IGDCC4: variants seen among roughly 807,000 people sequenced by gnomAD.
IGDCC4 encodes the protein immunoglobulin superfamily DCC subclass member 4.
In IGDCC4, 72 loss-of-function variants were observed where a neutral mutation model predicts 116.6. The observed-to-expected ratio is 0.62, with a 90% CI of 0.51 to 0.75. IGDCC4 has a LOEUF of 0.75. Among genes scored for constraint, IGDCC4 ranks in the 30% least tolerant of loss-of-function variants. The pLI, the probability that IGDCC4 is intolerant of heterozygous loss-of-function variation, is 0.00. For missense variants in IGDCC4, 1,501 were observed against 1,662.4 expected (o/e 0.90, Z 1.69); for synonymous variants, 709 against 719.9 (o/e 0.98, Z 0.24).
intron 5 of IGDCC4, among the ~76,000 whole-genome samples, chr15:65,399,040 G>C (rs558164241): frequency 6.6e-6 from 1 of 152,226 alleles, no homozygotes; most frequent in African/African-American, 2.4e-5. Flanking sequence ...GATCCTCCGG[G>C]ACAGCAATTC....
intron 16 of IGDCC4, among the ~76,000 whole-genome samples, chr15:65,388,085 A>T (rs145342707): frequency 3.6e-4 from 55 of 152,290 alleles, no homozygotes; most frequent in African/African-American, 1.1e-3. Flanking sequence ...CTCTACTAAA[A>T]ATACAAAAAT....
At chr15:65,395,515 G>A (rs2062914691) in intron 7 of IGDCC4, among the ~76,000 whole-genome samples, 1 of 152,108 alleles carries the variant, frequency 6.6e-6, no homozygotes. Context: ...CTCCAGGAAC[G>A]TCCTCTCCCT....
intron 5 of IGDCC4, among the ~76,000 whole-genome samples, chr15:65,399,679 G>A (rs146837282): frequency 2.6e-4 from 39 of 152,286 alleles, no homozygotes; most frequent in Non-Finnish European, 5.0e-4. Context: ...GTGCAGGTCA[G>A]ATAGGTGCGA....
chr15:65,391,123 A>C (rs1288368068), intron 12 of IGDCC4, among the ~76,000 whole-genome samples: 1 of 152,148 alleles, frequency 6.6e-6, no homozygotes, highest in Non-Finnish European at 1.5e-5. Context: ...CCAGCTGCTC[A>C]AGAGGCCGAG....
intron 2 of IGDCC4, chr15:65,410,799 G>A: frequency 1.8e-6 from 1 of 565,400 alleles, no homozygotes; most frequent in East Asian, 2.9e-5. Context: ...AAGAAAAGCA[G>A]AAGGAACAGG....
rs1486827810 is a variant in IGDCC4 at position 65,384,724 on chromosome 15, A to G, written c.3342+230T>C. 8 of 564,874 alleles carry G rather than the reference A, an allele frequency of 1.4e-5. No homozygotes were observed. Among genetic ancestry groups the G allele is most frequent in the Non-Finnish European group, 2.1e-5 (7 of 335,680 alleles). The allele number at this position is 564,874 out of a possible 1,614,324, so 35.0% of individuals were successfully genotyped here. On this transcript the variant is annotated intron_variant, in intron 19 of 19. Transcript: ENST00000352385. The surrounding 1 kb of genome is among the most constrained non-coding windows in gnomAD (Gnocchi z 4.9). ...CAGATCCACGGAACTGCTGTGGCCCACTTAGGTCTGGGTAGAGGAGGGGCT... is the reference window on the plus strand; with the variant it reads ...CAGATCCACGGAACTGCTGTGGCCCGCTTAGGTCTGGGTAGAGGAGGGGCT...
chr15:65,412,315 C>T (rs929352022), intron 1 of IGDCC4, among the ~76,000 whole-genome samples: 12 of 151,912 alleles, frequency 7.9e-5, no homozygotes, highest in African/African-American at 2.9e-4. Flanking sequence ...AGTTCAAGAC[C>T]AGCCTGACCA....
Position 65,384,518 on chromosome 15 carries a change from G to C in IGDCC4, c.3343-99C>G. On this transcript the variant is annotated intron_variant, in intron 19 of 19. Transcript: ENST00000352385. The surrounding 1 kb of genome is among the most constrained non-coding windows in gnomAD (Gnocchi z 4.9). The stretch of plus-strand genomic sequence containing the variant: ...GGGCAGAAAGTCTGACCCTCCATCA[G>C]AGTAAGTATCACATGGGAGTCGGTG... The C allele has an allele frequency of 8.3e-7, 1 of 1,203,182 alleles. No individual in the cohort carries two copies. Among genetic ancestry groups the C allele is most frequent in the Non-Finnish European group, 1.1e-6 (1 of 878,916 alleles). 74.5% of individuals were successfully genotyped at this position (1,203,182 alleles called of 1,614,324 possible).
chr15:65,413,336 T>C (rs1166543333), intron 1 of IGDCC4, among the ~76,000 whole-genome samples: 1 of 152,052 alleles, frequency 6.6e-6, no homozygotes, highest in Non-Finnish European at 1.5e-5. Context: ...CTGCAGCTAA[T>C]TTCCCCAAGG....
intron 3 of IGDCC4, among the ~76,000 whole-genome samples, chr15:65,409,445 C>T (rs576603952): frequency 6.6e-6 from 1 of 152,186 alleles, no homozygotes; most frequent in East Asian, 1.9e-4. Context: ...TCCAAAGATA[C>T]GTAAGAATCC....
At chr15:65,391,164 A>G (rs777270294) in intron 12 of IGDCC4, among the ~76,000 whole-genome samples, 1 of 152,180 alleles carries the variant, frequency 6.6e-6, no homozygotes, top group Admixed American at 6.5e-5. Flanking sequence ...CAGGAGGCAG[A>G]GGTTGCAGTG....
intron 3 of IGDCC4, among the ~76,000 whole-genome samples, chr15:65,403,714 G>A (rs939416532): frequency 6.6e-6 from 1 of 152,164 alleles, no homozygotes; most frequent in Non-Finnish European, 1.5e-5. Context: ...CCCTTGGAGA[G>A]GACGTGGTCT....
intron 16 of IGDCC4, among the ~76,000 whole-genome samples, chr15:65,387,674 A>AT (rs1223132602): frequency 6.6e-6 from 1 of 152,044 alleles, no homozygotes; most frequent in East Asian, 1.9e-4. Context: ...AATTTTTAAA[A>AT]TAAGGGATAG....
rs141162278 is a variant in IGDCC4, at chr15:65,385,918, C to T, written c.3093G>A (p.Pro1031=). The change falls in exon 18 of 20, where the codon CCG becomes CCA. Residue 1031 remains proline, a synonymous_variant. Coordinates refer to ENST00000352385, the MANE Select transcript of IGDCC4 (RefSeq NM_020962.3). ...CCCTGTCCTCCACGTCTGAGGGTGG[C>T]GGGGACCAGTCCTGGGGATGGGGGT... ...LVHPHPQDWS[P]PPSDVEDRAE... 7 of 1,606,654 alleles carry T rather than the reference C, an allele frequency of 4.4e-6. No individual in the cohort carries two copies. Among genetic ancestry groups the T allele is most frequent in the African/African-American group, 2.7e-5 (2 of 74,228 alleles).
intron 3 of IGDCC4, 133 bp from the exon 4 acceptor site, chr15:65,402,620 G>C: frequency 8.2e-7 from 1 of 1,220,636 alleles, no homozygotes; most frequent in Non-Finnish European, 1.1e-6. Flanking sequence ...TATAATCCCA[G>C]CACTTTGGGA....
Position 65,384,745 on chromosome 15 carries a change from G to C in IGDCC4, c.3342+209C>G. The stretch of plus-strand genomic sequence containing the variant: ...GCCCACTTAGGTCTGGGTAGAGGAG[G>C]GGCTGTTTTCAACCCAGGTTGAAAC... On this transcript the variant is annotated intron_variant, in intron 19 of 19. Transcript: ENST00000352385. This position sits in a 1 kb window ranked among gnomAD's most constrained non-coding sequence, Gnocchi z 4.9. 1 of 624,256 alleles carries C rather than the reference G, an allele frequency of 1.6e-6. No individual in the cohort carries two copies. The highest frequency in any genetic ancestry group is 2.6e-6 in the Non-Finnish European group (1 of 377,838). 38.7% of individuals were successfully genotyped at this position (624,256 alleles called of 1,614,324 possible).
intron 16 of IGDCC4, among the ~76,000 whole-genome samples, chr15:65,386,961 G>A (rs2091466450): frequency 6.6e-6 from 1 of 152,180 alleles, no homozygotes; most frequent in Non-Finnish European, 1.5e-5. Context: ...ATGTGCAGGT[G>A]CGCAGACCCC....
intron 5 of IGDCC4, among the ~76,000 whole-genome samples, chr15:65,398,099 G>C (rs113274733): frequency 7.9e-5 from 12 of 152,272 alleles, no homozygotes; most frequent in African/African-American, 2.9e-4. Context: ...GGAGAAAACT[G>C]TACATAGGCA....
rs1189080444 is a variant in IGDCC4 at position 65,400,799 on chromosome 15, C to T, written c.841+7G>A. 6.3e-7 allele frequency: 1 copy of T among 1,591,204 alleles called. No individual in the cohort carries two copies. Among genetic ancestry groups the T allele is most frequent in the Non-Finnish European group, 8.6e-7 (1 of 1,166,794 alleles). ...CATGCCCTCCTTCTCCCACCCCCTC[C>T]ACTCACCTTGTCGGACCCAGGACAC... On this transcript the variant is annotated splice_region_variant and intron_variant, in intron 5 of 19. Transcript: ENST00000352385.
Sources: allele counts gnomAD v4.1 joint callset (sites outside exome capture counted in the v4.1 genomes callset), GRCh38; gene constraint gnomAD v4.1.1; non-coding constraint Gnocchi (gnomAD v3.1); transcripts MANE v1.5; gene names NCBI Gene and HGNC (gene_info 2026-07-23, HGNC 2026-07-21).